ABCB9: variants seen among roughly 807,000 people sequenced by gnomAD.
ABCB9 encodes the protein ABC-type oligopeptide transporter ABCB9.
Under a neutral mutation model 62.0 loss-of-function variants are expected in ABCB9, and 36 were observed. The ratio of observed to expected loss-of-function variants is 0.58; its 90% confidence interval spans 0.45 to 0.77. ABCB9 has a LOEUF of 0.77. Ranked by LOEUF, ABCB9 falls within the 30% of genes least tolerant of loss-of-function variation. The probability of loss-of-function intolerance (pLI) is 0.00; values close to 1 mark genes in which losing one functional copy is unlikely to be tolerated. For synonymous variants in ABCB9, 435 were observed against 461.4 expected (o/e 0.94, Z 0.73); for missense variants, 943 against 1,054.7 (o/e 0.89, Z 1.47).
intron 6 of ABCB9, among the ~76,000 whole-genome samples, chr12:122,945,121 C>A (rs75832329): frequency 0.063 from 9,643 of 152,294 alleles, 433 homozygotes; most frequent in Non-Finnish European, 0.1. Flanking sequence ...GCACCCCCTG[C>A]CAGCAGACGG....
chr12:122,944,378 A>T lies in ABCB9; in HGVS notation c.1380+13T>A. 1 of 1,606,044 alleles carries T rather than the reference A, an allele frequency of 6.2e-7. No homozygotes were observed. Among genetic ancestry groups the T allele is most frequent in the Non-Finnish European group, 8.5e-7 (1 of 1,175,444 alleles). ...CCCTTCTCTCTGGATCCCCGGACAC[A>T]CTGGCCTCTCACCTCCATACAATCT... On this transcript the variant is annotated intron_variant, in intron 7 of 11. Coordinates refer to ENST00000280560, the MANE Select transcript of ABCB9 (RefSeq NM_019625.4). This position sits in a 1 kb window ranked among gnomAD's most constrained non-coding sequence, Gnocchi z 4.9.
chr12:122,950,621 T>C, intron 2 of ABCB9, 56 bp from the exon 3 acceptor site: 4 of 1,413,672 alleles, frequency 2.8e-6, no homozygotes, highest in Non-Finnish European at 3.9e-6. Context: ...CCCGCACCCT[T>C]CCTCCTGAGG....
At chr12:122,921,132 T>G in intron 11 of ABCB9, 2 of 1,376,488 alleles carry the variant, frequency 1.5e-6, no homozygotes, top group Non-Finnish European at 2.0e-6. Context: ...TTAAAATGGT[T>G]GGCTGGGCGT....
At chr12:122,949,737 A>C (rs1261918301) in intron 4 of ABCB9, 51 bp downstream of exon 4, 2 of 1,608,550 alleles carry the variant, frequency 1.2e-6, no homozygotes, top group African/African-American at 2.7e-5. Flanking sequence ...AGGCAAGCCC[A>C]CAGGGGTGGG....
chr12:122,946,333 G>A, intron 5 of ABCB9, 111 bp from the exon 6 acceptor site: 1 of 1,080,522 alleles, frequency 9.3e-7, no homozygotes, highest in Non-Finnish European at 1.4e-6. Context: ...CCAGCTATAT[G>A]CAAGAGGTTC....
In ABCB9 at chr12:122,930,188, G is replaced by A; in HGVS notation, c.2041-17C>T. 6 of 1,532,988 alleles carry A rather than the reference G, an allele frequency of 3.9e-6. No homozygotes were observed. Among genetic ancestry groups the A allele is most frequent in the Non-Finnish European group, 5.3e-6 (6 of 1,134,784 alleles). The allele number at this position is 1,532,988 out of a possible 1,614,324, so 95.0% of individuals were successfully genotyped here. Reference sequence around the variant, plus strand: ...CTGCTGGATCTGCGGGGACAGTGGGGGCCTGGCTTGCATGGCACGGACGCC... The same window carrying A: ...CTGCTGGATCTGCGGGGACAGTGGGAGCCTGGCTTGCATGGCACGGACGCC... On this transcript the variant is annotated splice_polypyrimidine_tract_variant and intron_variant, in intron 11 of 11. Coordinates refer to ENST00000280560, the MANE Select transcript of ABCB9 (RefSeq NM_019625.4). The surrounding 1 kb of genome is among the most constrained non-coding windows in gnomAD (Gnocchi z 4.9).
At chr12:122,971,007 G>A (rs934959963), upstream of ABCB9, among the ~76,000 whole-genome samples, 3 of 152,312 alleles carry the variant, frequency 2.0e-5, no homozygotes, top group Admixed American at 2.0e-4. Context: ...CCAAGGGTTA[G>A]TGAGAAGGAA....
chr12:122,942,860 C>T (rs1001609569), intron 7 of ABCB9, among the ~76,000 whole-genome samples: 2 of 152,108 alleles, frequency 1.3e-5, no homozygotes, highest in Admixed American at 6.6e-5. Context: ...CATACATCTT[C>T]GCCCACTGCT....
rs397954994 is a variant in ABCB9 at position 122,930,412 on chromosome 12, CTTTTTTTT to C, written c.2041-249_2041-242del. Reference sequence around the variant, plus strand: ...TCTTCTGGTCCTTCCCTTCCCCCTCCTTTTTTTTTTTTTTTTTTTTTAAGTCTTGCTGT... The same window carrying C: ...TCTTCTGGTCCTTCCCTTCCCCCTCCTTTTTTTTTTTTTAAGTCTTGCTGT... On this transcript the variant is annotated intron_variant, in intron 11 of 11. Coordinates refer to ENST00000280560, the MANE Select transcript of ABCB9 (RefSeq NM_019625.4). The surrounding 1 kb of genome is among the most constrained non-coding windows in gnomAD (Gnocchi z 4.9). Among the ~76,000 whole-genome samples, 1 of 136,638 alleles carries C rather than the reference CTTTTTTTT, an allele frequency of 7.3e-6. No individual in the cohort carries two copies. The highest frequency in any genetic ancestry group is 1.6e-5 in the Non-Finnish European group (1 of 63,568). 89.6% of individuals were successfully genotyped at this position (136,638 alleles called of 152,430 possible). A position where few individuals can be genotyped will look rare whatever the true frequency, so the allele number is the denominator to read the frequency against.
In ABCB9 at chr12:122,959,914, G is replaced by T; in HGVS notation, c.322C>A (p.Arg108Ser). Residue 108 changes from arginine to serine, a missense_variant, in exon 2 of 12, where the codon CGC becomes AGC. Arg to Ser is a moderately radical substitution (Grantham distance 110). Coordinates refer to ENST00000280560, the MANE Select transcript of ABCB9 (RefSeq NM_019625.4). This position sits in a 1 kb window ranked among gnomAD's most constrained non-coding sequence, Gnocchi z 5.4. Reference protein sequence around the residue: ...MVKLLLFSEVRRPIRDPWFWA... With the variant: ...MVKLLLFSEVSRPIRDPWFWA... ...AACCAGGGGTCCCGGATGGGCCTGC[G>T]CACCTCTGAGAAGAGCAGCAGCTTC... The T allele has an allele frequency of 6.2e-7, 1 of 1,613,434 alleles. No individual in the cohort carries two copies. The highest frequency in any genetic ancestry group is 2.2e-5 in the East Asian group (1 of 44,882).
intron 10 of ABCB9, among the ~76,000 whole-genome samples, chr12:122,934,380 G>T (rs1002741655): frequency 3.3e-5 from 5 of 151,976 alleles, no homozygotes; most frequent in Non-Finnish European, 7.4e-5. Flanking sequence ...TTGAAAAGGG[G>T]CTATTCGTGT....
chr12:122,940,183 G>C lies in ABCB9; in HGVS notation c.1671C>G (p.Pro557=), dbSNP rs181063039. Residue 557 remains proline, a synonymous_variant, in exon 9 of 12, where the codon CCC becomes CCG. Coordinates refer to ENST00000280560, the MANE Select transcript of ABCB9 (RefSeq NM_019625.4). The surrounding 1 kb of genome is among the most constrained non-coding windows in gnomAD (Gnocchi z 4.8). ...SCVNILENFY[P]LEGGRVLLDG... is the part of the protein sequence containing the mutation. ...CCAGCAGCACCCGGCCCCCCTCCAG[G>C]GGGTAGAAGTTCTCCAGGATGTTGA... is the stretch of plus-strand genomic sequence containing the variant. The C allele has an allele frequency of 2.7e-5, 44 of 1,613,836 alleles. No individual in the cohort carries two copies. The Admixed American group carries it at 6.7e-4, about 24-fold the overall frequency.
In ABCB9 at chr12:122,944,304, C is replaced by T. The variant is rs774248279; in HGVS notation, c.1380+87G>A. ...AGAGAAATACCACATTGTCAGAGTC[C>T]CTGGAGCCCCGCCCCCACCCTGTTA... On this transcript the variant is annotated intron_variant, in intron 7 of 11. Transcript: ENST00000280560. This position sits in a 1 kb window ranked among gnomAD's most constrained non-coding sequence, Gnocchi z 4.9. The T allele has an allele frequency of 2.7e-4, 409 of 1,517,634 alleles. No individual in the cohort carries two copies. Among genetic ancestry groups the T allele is most frequent in the Non-Finnish European group, 3.4e-4 (387 of 1,125,380 alleles). The allele number at this position is 1,517,634 out of a possible 1,614,324, so 94.0% of individuals were successfully genotyped here. A position where few individuals can be genotyped will look rare whatever the true frequency, so the allele number is the denominator to read the frequency against.
upstream of ABCB9, among the ~76,000 whole-genome samples, chr12:122,967,988 G>A (rs527783154): frequency 1.8e-4 from 28 of 152,060 alleles, no homozygotes; most frequent in Non-Finnish European, 1.5e-4. Context: ...AGTAGCAAAA[G>A]TCTGGAAATA....
chr12:122,940,033 C>T lies in ABCB9; in HGVS notation c.1743+78G>A, dbSNP rs59526938. ...TCCATTTATCTCTAGTGCCCTCTTC[C>T]GCACCTGTTACAGCTCACAAGAAAG... On this transcript the variant is annotated intron_variant, in intron 9 of 11. Transcript: ENST00000280560. This position sits in a 1 kb window ranked among gnomAD's most constrained non-coding sequence, Gnocchi z 4.8. 13,031 of 1,513,464 alleles carry T rather than the reference C, an allele frequency of 8.6e-3. 835 individuals are homozygous for T. The African/African-American group carries it at 0.15, about 17-fold the overall frequency. The allele number at this position is 1,513,464 out of a possible 1,614,324, so 93.8% of individuals were successfully genotyped here.
intron 11 of ABCB9, among the ~76,000 whole-genome samples, chr12:122,922,272 A>T (rs1227551708): frequency 2.6e-5 from 4 of 152,192 alleles, no homozygotes; most frequent in Non-Finnish European, 5.9e-5. Context: ...ATGTACATAG[A>T]ACAATATAAC....
At chr12:122,952,353 G>A (rs142561613) in intron 2 of ABCB9, 1 of 152,420 alleles carries the variant, frequency 6.6e-6, no homozygotes, top group African/African-American at 2.4e-5. Flanking sequence ...TTCTTTCCAT[G>A]AGCAGAGCCA....
downstream of ABCB9, among the ~76,000 whole-genome samples, chr12:122,924,139 A>G (rs1245864748): frequency 1.3e-5 from 2 of 152,172 alleles, no homozygotes; most frequent in African/African-American, 4.8e-5. Context: ...GGTCGTCTTT[A>G]GCCCTGGCAA....
At chr12:122,949,965 G>C (rs1199290292) in intron 3 of ABCB9, 47 bp from the exon 4 acceptor site, 1 of 1,610,954 alleles carries the variant, frequency 6.2e-7, no homozygotes, top group Non-Finnish European at 8.5e-7. Context: ...TTCCAGACCA[G>C]TGACCACACC....
Sources: gnomAD v4.1 joint callset for allele counts (sites outside exome capture counted in the v4.1 genomes callset) on GRCh38, gnomAD v4.1.1 for gene constraint, Gnocchi (gnomAD v3.1) non-coding constraint, MANE v1.5 for transcripts, NCBI Gene and HGNC (gene_info 2026-07-23, HGNC 2026-07-21) for gene names.